The following PRKCZ variants were observed in gnomAD, a reference collection of about 807,000 sequenced individuals.
PRKCZ encodes protein kinase C zeta.
In PRKCZ, 33 loss-of-function variants were observed where a neutral mutation model predicts 79.5. The observed-to-expected ratio is 0.41, with a 90% CI of 0.31 to 0.55. The LOEUF is 0.55. Among genes scored for constraint, PRKCZ ranks in the 20% least tolerant of loss-of-function variants. The pLI, the probability that PRKCZ is intolerant of heterozygous loss-of-function variation, is 0.19. For synonymous variants in PRKCZ, 342 were observed against 320.9 expected (o/e 1.07, Z -0.70); for missense variants, 578 against 813.5 (o/e 0.71, Z 3.52).
intron 4 of PRKCZ, 194 bp from the exon 5 acceptor site, chr1:2,135,068 G>A (rs992807610): frequency 3.6e-5 from 18 of 506,746 alleles, no homozygotes; most frequent in African/African-American, 2.1e-4. Context: ...CGCCGAGGCC[G>A]TGACACCATG....
chr1:2,157,909 C>G (rs1004334922), intron 10 of PRKCZ, among the ~76,000 whole-genome samples: 1 of 152,092 alleles, frequency 6.6e-6, no homozygotes, highest in African/African-American at 2.4e-5. Flanking sequence ...GCCCCAGCTC[C>G]GGGCCAGCTT....
intron 4 of PRKCZ, among the ~76,000 whole-genome samples, chr1:2,103,372 A>G (rs1013741681): frequency 1.3e-5 from 2 of 152,224 alleles, no homozygotes; most frequent in Non-Finnish European, 2.9e-5. Context: ...AGACTGATTT[A>G]TTTATCAGTT....
chr1:2,081,821 G>T (rs1479016405), intron 4 of PRKCZ, among the ~76,000 whole-genome samples: 1 of 129,552 alleles, frequency 7.7e-6, no homozygotes, highest in Non-Finnish European at 1.6e-5. Context: ...CACCACTGCC[G>T]CCCCGCCCCC....
At chr1:2,061,233 C>T (rs888055421) in intron 4 of PRKCZ, among the ~76,000 whole-genome samples, 1 of 152,210 alleles carries the variant, frequency 6.6e-6, no homozygotes, top group African/African-American at 2.4e-5. Flanking sequence ...GCGGGGGAAG[C>T]CCACCGTATT....
At chr1:2,097,877 C>T (rs114314512) in intron 4 of PRKCZ, among the ~76,000 whole-genome samples, 1,563 of 152,326 alleles carry the variant, frequency 0.01, 27 homozygotes, top group African/African-American at 0.036. Flanking sequence ...CACACCTGAA[C>T]GAGGGAGGTG....
intron 4 of PRKCZ, among the ~76,000 whole-genome samples, chr1:2,076,926 C>T (rs1261646661): frequency 2.6e-5 from 4 of 152,130 alleles, no homozygotes; most frequent in Middle Eastern, 3.2e-3. Flanking sequence ...CCTGAACACG[C>T]GAAGGAGGGC....
At chr1:2,126,470 T>C (rs1375336469) in intron 4 of PRKCZ, among the ~76,000 whole-genome samples, 2 of 152,104 alleles carry the variant, frequency 1.3e-5, no homozygotes, top group African/African-American at 4.8e-5. Context: ...CCCAGCCGCC[T>C]TGGGCTGGGG....
chr1:2,157,018 G>A (rs924105059), intron 10 of PRKCZ, among the ~76,000 whole-genome samples: 1 of 152,188 alleles, frequency 6.6e-6, no homozygotes, highest in Non-Finnish European at 1.5e-5. Context: ...CAGGCTGGAG[G>A]CCCAGGAGAG....
intron 1 of PRKCZ, 197 bp downstream of exon 1, chr1:2,050,898 T>G: frequency 1.6e-5 from 6 of 370,610 alleles, no homozygotes; most frequent in African/African-American, 4.2e-5. Flanking sequence ...CGCGGGCTCC[T>G]TCCCCGGGAC....
chr1:2,103,703 G>T (rs1469174763), intron 4 of PRKCZ, among the ~76,000 whole-genome samples: 2 of 152,208 alleles, frequency 1.3e-5, no homozygotes, highest in Non-Finnish European at 2.9e-5. Flanking sequence ...CTGCACTCTG[G>T]CCTGGGCAAC....
intron 10 of PRKCZ, among the ~76,000 whole-genome samples, chr1:2,159,260 G>A (rs1346421931): frequency 1.3e-5 from 2 of 152,260 alleles, no homozygotes; most frequent in East Asian, 1.9e-4. Flanking sequence ...AGGCGGCCAC[G>A]CGTCCGGGTG....
intron 11 of PRKCZ, among the ~76,000 whole-genome samples, chr1:2,170,947 G>T (rs1468949814): frequency 6.6e-6 from 1 of 152,240 alleles, no homozygotes; most frequent in Admixed American, 6.5e-5. Context: ...CAGTGCTGCT[G>T]TGAACATGGG....
chr1:2,055,760 A>T, intron 2 of PRKCZ, 198 bp downstream of exon 2: 1 of 750,942 alleles, frequency 1.3e-6, no homozygotes, highest in Non-Finnish European at 2.0e-6. Flanking sequence ...ACCTGGGCCC[A>T]GATGCCCCTA....
chr1:2,107,014 C>T (rs562863225), intron 4 of PRKCZ, among the ~76,000 whole-genome samples: 16 of 148,950 alleles, frequency 1.1e-4, no homozygotes, highest in East Asian at 7.7e-4. Flanking sequence ...GCCAGGATTG[C>T]GGTTTCTCCG....
At chr1:2,161,060 T>C (rs946367692) in intron 10 of PRKCZ, among the ~76,000 whole-genome samples, 1 of 152,204 alleles carries the variant, frequency 6.6e-6, no homozygotes, top group East Asian at 1.9e-4. Flanking sequence ...TTGGGGAACA[T>C]GAGTCACCTC....
At chr1:2,139,177 C>T (rs367971754) in intron 5 of PRKCZ, among the ~76,000 whole-genome samples, 1 of 152,128 alleles carries the variant, frequency 6.6e-6, no homozygotes, top group African/African-American at 2.4e-5. Context: ...AAGCTGAGAA[C>T]CGGTGTGAAT....
intron 4 of PRKCZ, among the ~76,000 whole-genome samples, chr1:2,126,132 G>A (rs183670815): frequency 3.7e-4 from 56 of 152,260 alleles, no homozygotes; most frequent in Admixed American, 3.1e-3. Context: ...GTGTGTTCCC[G>A]TCACGTCTCC....
rs1282634722 is a variant in PRKCZ, at chr1:2,094,579, C to T, written c.334+34988C>T. ...GGCTCGATGAACCTTGGGCGCTGCC[C>T]GTTCTGAGGCGCCCGCTGTGCCCGG... On this transcript the variant is annotated intron_variant, in intron 4 of 17. Coordinates refer to ENST00000378567, the MANE Select transcript of PRKCZ (RefSeq NM_002744.6). The surrounding 1 kb of genome is among the most constrained non-coding windows in gnomAD (Gnocchi z 7.3). Among the ~76,000 whole-genome samples the T allele has an allele frequency of 2.9e-5, 3 of 102,932 alleles. No homozygotes were observed. The highest frequency in any genetic ancestry group is 5.4e-5 in the Non-Finnish European group (3 of 55,514). The allele number at this position is 102,932 out of a possible 152,430, so 67.5% of individuals were successfully genotyped here. A position where few individuals can be genotyped will look rare whatever the true frequency, so the allele number is the denominator to read the frequency against.
chr1:2,152,999 C>G lies in PRKCZ; in HGVS notation c.876+2021C>G, dbSNP rs539463323. Reference sequence around the variant, plus strand: ...TATTTCCAGTTCTTTTGAGTGCAAACCTAGCAGTACAGTTGCTGGGTCACA... The same window carrying G: ...TATTTCCAGTTCTTTTGAGTGCAAAGCTAGCAGTACAGTTGCTGGGTCACA... On this transcript the variant is annotated intron_variant, in intron 9 of 17. Transcript: ENST00000378567. 3.9e-5 allele frequency among the ~76,000 whole-genome samples: 6 copies of G among 152,356 alleles called. No homozygotes were observed. The South Asian group carries it at 1.2e-3, about 32-fold the overall frequency.
Sources: gnomAD v4.1 joint callset for allele counts (sites outside exome capture counted in the v4.1 genomes callset) on GRCh38, gnomAD v4.1.1 for gene constraint, Gnocchi (gnomAD v3.1) non-coding constraint, MANE v1.5 for transcripts, NCBI Gene and HGNC (gene_info 2026-07-23, HGNC 2026-07-21) for gene names.